The following NET1 variants were observed in gnomAD, a reference collection of about 807,000 sequenced individuals.
NET1 encodes the protein neuroepithelial cell transforming 1, also known as neuroepithelial cell-transforming gene 1 protein.
In NET1, 42 loss-of-function variants were observed where a neutral mutation model predicts 61.1. That is an observed-to-expected ratio of 0.69 (90% confidence interval 0.54 to 0.89). NET1 has a LOEUF of 0.89. Ranked by LOEUF, NET1 falls within the 40% of genes least tolerant of loss-of-function variation. The probability of loss-of-function intolerance (pLI) is 0.00; values close to 1 mark genes in which losing one functional copy is unlikely to be tolerated. For missense variants in NET1, 654 were observed against 747.3 expected (o/e 0.88, Z 1.46); for synonymous variants, 254 against 281.8 (o/e 0.90, Z 0.99).
rs766884323 is a variant in NET1 at position 5,453,534 on chromosome 10, C to T, written c.742C>T (p.Gln248Ter). 1.9e-6 allele frequency: 3 copies of T among 1,613,998 alleles called. No homozygotes were observed. Among genetic ancestry groups the T allele is most frequent in the Non-Finnish European group, 2.5e-6 (3 of 1,180,016 alleles). ...EATKPDGTVE[Q>*]IGHILVSWLP... ...AACCAAGCCTGATGGAACAGTGGAG[C>T]AGATTGGTCACATTCTCGTGAGCTG... Residue 248 changes from glutamine to a stop codon, truncating the protein, a stop_gained, in exon 8 of 12, where the codon CAG (glutamine) becomes TAG (stop). Coordinates refer to ENST00000355029, the MANE Select transcript of NET1 (RefSeq NM_001047160.3). LOFTEE classifies it high-confidence loss of function. This position sits in a 1 kb window ranked among gnomAD's most constrained non-coding sequence, Gnocchi z 4.9.
In NET1 at chr10:5,455,160, T is replaced by C; in HGVS notation, c.1197+42T>C. 1.3e-6 allele frequency: 2 copies of C among 1,594,762 alleles called. No individual in the cohort carries two copies. Among genetic ancestry groups the C allele is most frequent in the African/African-American group, 1.3e-5 (1 of 74,652 alleles). ...GCCGTGGCAGAGCAGCCTTCCCTCC[T>C]GCCTCTTTAACTTTTACACGTTTGT... On this transcript the variant is annotated intron_variant, in intron 10 of 11. Transcript: ENST00000355029. The surrounding 1 kb of genome is among the most constrained non-coding windows in gnomAD (Gnocchi z 6.5).
rs142097550 is a variant in NET1 at position 5,447,729 on chromosome 10, C to G, written c.256-4101C>G. Among the ~76,000 whole-genome samples the G allele has an allele frequency of 3.9e-5, 6 of 152,324 alleles. No homozygotes were observed. Among genetic ancestry groups the G allele is most frequent in the Middle Eastern group, 3.4e-3 (1 of 294 alleles). On this transcript the variant is annotated intron_variant, in intron 3 of 11. Coordinates refer to ENST00000355029, the MANE Select transcript of NET1 (RefSeq NM_001047160.3). This position sits in a 1 kb window ranked among gnomAD's most constrained non-coding sequence, Gnocchi z 4.1. ...TTTTGGTAGTTAAAATAGCTGCCGT[C>G]TTCAGGAAGTACACTTTTATTTGGT...
rs1053996785 is a variant in NET1 at position 5,441,403 on chromosome 10, G to A, written c.256-10427G>A. 2.6e-5 allele frequency among the ~76,000 whole-genome samples: 4 copies of A among 152,238 alleles called. No individual in the cohort carries two copies. Among genetic ancestry groups the A allele is most frequent in the African/African-American group, 9.6e-5 (4 of 41,466 alleles). ...AATTGGGCTGAGAAAACAGGAGGCT[G>A]GGCACAAGACACAATATCCTTTTGT... is the stretch of plus-strand genomic sequence containing the variant. On this transcript the variant is annotated intron_variant, in intron 3 of 11. Transcript: ENST00000355029. This position sits in a 1 kb window ranked among gnomAD's most constrained non-coding sequence, Gnocchi z 4.6.
In NET1 at chr10:5,444,445, T is replaced by TCAGC. The variant is rs1310583053; in HGVS notation, c.256-7383_256-7380dup. 6.6e-6 allele frequency among the ~76,000 whole-genome samples: 1 copy of TCAGC among 152,220 alleles called. No individual in the cohort carries two copies. The highest frequency in any genetic ancestry group is 2.4e-5 in the African/African-American group (1 of 41,460). On this transcript the variant is annotated intron_variant, in intron 3 of 11. Coordinates refer to ENST00000355029, the MANE Select transcript of NET1 (RefSeq NM_001047160.3). The surrounding 1 kb of genome is among the most constrained non-coding windows in gnomAD (Gnocchi z 5.3). ...CCCACTATTCTTCTGTATTCACTCTTCAGCCCCTGTAATTTGCCTCTGTCT... is the reference window on the plus strand; with the variant it reads ...CCCACTATTCTTCTGTATTCACTCTTCAGCCAGCCCCTGTAATTTGCCTCTGTCT...
intron 3 of NET1, among the ~76,000 whole-genome samples, chr10:5,436,246 A>ATT (rs1832435398): frequency 2.9e-5 from 1 of 34,134 alleles, no homozygotes. Flanking sequence ...ATATATATAT[A>ATT]TATTTTTTTT....
At position 5,441,800 on chromosome 10, in the gene NET1, T is replaced by C. The variant is rs1239002544; in HGVS notation, c.256-10030T>C. On this transcript the variant is annotated intron_variant, in intron 3 of 11. Transcript: ENST00000355029. The surrounding 1 kb of genome is among the most constrained non-coding windows in gnomAD (Gnocchi z 4.6). The stretch of plus-strand genomic sequence containing the variant: ...TTCTTTCGTACTTATCCAGTTCAAA[T>C]GTAACTCTTTTTGTTTTTAAGTTAT... 6.6e-6 allele frequency among the ~76,000 whole-genome samples: 1 copy of C among 152,236 alleles called. No homozygotes were observed. Among genetic ancestry groups the C allele is most frequent in the African/African-American group, 2.4e-5 (1 of 41,474 alleles).
In NET1 at chr10:5,447,599, G is replaced by A. The variant is rs532019996; in HGVS notation, c.256-4231G>A. Among the ~76,000 whole-genome samples the A allele has an allele frequency of 1.7e-4, 26 of 152,220 alleles. 1 individual carries two copies. The highest frequency in any genetic ancestry group is 4.1e-4 in the African/African-American group (17 of 41,534). On this transcript the variant is annotated intron_variant, in intron 3 of 11. Coordinates refer to ENST00000355029, the MANE Select transcript of NET1 (RefSeq NM_001047160.3). This position sits in a 1 kb window ranked among gnomAD's most constrained non-coding sequence, Gnocchi z 4.1. ...TCTCTTGATTGTGGTAGTGGTTTCCGTCTCTATACACACGTCAAAACTTAT... is the reference window on the plus strand; with the variant it reads ...TCTCTTGATTGTGGTAGTGGTTTCCATCTCTATACACACGTCAAAACTTAT...
At position 5,456,609 on chromosome 10, in the gene NET1, G is replaced by A. The variant is rs750957300; in HGVS notation, c.1406G>A (p.Arg469His). 4.7e-5 allele frequency: 70 copies of A among 1,483,370 alleles called. No homozygotes were observed. Among genetic ancestry groups the A allele is most frequent in the African/African-American group, 7.4e-5 (5 of 67,846 alleles). The allele number at this position is 1,483,370 out of a possible 1,614,324, so 91.9% of individuals were successfully genotyped here. A position where few individuals can be genotyped will look rare whatever the true frequency, so the allele number is the denominator to read the frequency against. ...SEKAKNIFRI[R>H]FHDPSPAQSH... ...TCAGCTAAAAATATCTTTAGAATTC[G>A]CTTCCATGACCCCTCTCCAGCCCAG... Residue 469 changes from arginine to histidine, a missense_variant, in exon 12 of 12, where the codon CGC becomes CAC. Transcript: ENST00000355029. This position sits in a 1 kb window ranked among gnomAD's most constrained non-coding sequence, Gnocchi z 7.0.
chr10:5,419,940 A>G (rs1832144335), intron 1 of NET1, among the ~76,000 whole-genome samples: 1 of 151,336 alleles, frequency 6.6e-6, no homozygotes, highest in Non-Finnish European at 1.5e-5. Flanking sequence ...TGCTTTTAAG[A>G]TTTTCTTATC....
In NET1 at chr10:5,452,913, C is replaced by G; in HGVS notation, c.587C>G (p.Ala196Gly). 6.2e-7 allele frequency: 1 copy of G among 1,606,220 alleles called. No individual in the cohort carries two copies. The highest frequency in any genetic ancestry group is 8.5e-7 in the Non-Finnish European group (1 of 1,173,204). The change falls in exon 6 of 12, where the codon GCA (alanine) becomes GGA (glycine). Residue 196 changes from alanine (A) to glycine (G), a missense_variant. Ala to Gly is a moderately conservative substitution (Grantham distance 60). Transcript: ENST00000355029. This position sits in a 1 kb window ranked among gnomAD's most constrained non-coding sequence, Gnocchi z 4.0. ...EQDLIEDLKLARKAYHDPMLK... is the reference protein window; with the variant it reads ...EQDLIEDLKLGRKAYHDPMLK... ...GATTTAATTGAGGATCTCAAACTTG[C>G]AAGAAAGGTCAGTAAATAACTTTTT...
chr10:5,450,798 A>C (rs1422921430), intron 3 of NET1, among the ~76,000 whole-genome samples: 1 of 152,202 alleles, frequency 6.6e-6, no homozygotes, highest in Non-Finnish European at 1.5e-5. Context: ...ACCTACTGGT[A>C]TGCCTCCATT....
At chr10:5,428,945 G>A (rs1260984007) in intron 2 of NET1, among the ~76,000 whole-genome samples, 1 of 151,208 alleles carries the variant, frequency 6.6e-6, no homozygotes, top group Non-Finnish European at 1.5e-5. Context: ...CGTTGGCCAG[G>A]CTGGTCTCGA....
In NET1 at chr10:5,455,009, A is replaced by G. The variant is rs1319588194; in HGVS notation, c.1088A>G (p.Gln363Arg). The change falls in exon 10 of 12, where the codon CAG (glutamine) becomes CGG (arginine). Residue 363 changes from glutamine (Q) to arginine (R), a missense_variant. Physicochemically the swap from Gln to Arg is conservative, Grantham distance 43. Transcript: ENST00000355029. This position sits in a 1 kb window ranked among gnomAD's most constrained non-coding sequence, Gnocchi z 6.5. ...INLKKGESEC[Q>R]YYIDKLEYLD... ...TTGAAGAAAGGTGAATCCGAGTGCC[A>G]GTATTACATCGACAAGCTGGAGTAC... 1.9e-6 allele frequency: 3 copies of G among 1,614,034 alleles called. No individual in the cohort carries two copies. The highest frequency in any genetic ancestry group is 2.5e-6 in the Non-Finnish European group (3 of 1,180,004).
At chr10:5,436,166 T>G (rs1248014414) in intron 3 of NET1, among the ~76,000 whole-genome samples, 1 of 77,424 alleles carries the variant, frequency 1.3e-5, no homozygotes, top group African/African-American at 4.9e-5. Context: ...AAAGGAGGTG[T>G]GTGTGTGTGT....
chr10:5,423,763 A>G lies in NET1; in HGVS notation c.129-2892A>G, dbSNP rs896682870. Among the ~76,000 whole-genome samples, 5 of 152,130 alleles carry G rather than the reference A, an allele frequency of 3.3e-5. No homozygotes were observed. Among genetic ancestry groups the G allele is most frequent in the East Asian group, 1.9e-4 (1 of 5,196 alleles). ...TTTATGAAATCATTTTTTTCCCCAC[A>G]AGGATTTAAAATAGCTATTACATTT... On this transcript the variant is annotated intron_variant, in intron 1 of 11. Transcript: ENST00000355029. This position sits in a 1 kb window ranked among gnomAD's most constrained non-coding sequence, Gnocchi z 4.4.
At position 5,434,362 on chromosome 10, in the gene NET1, G is replaced by A. The variant is rs558424154; in HGVS notation, c.255+5133G>A. 7.0e-4 allele frequency among the ~76,000 whole-genome samples: 106 copies of A among 152,254 alleles called. 1 individual carries two copies. Among genetic ancestry groups the A allele is most frequent in the Non-Finnish European group, 1.0e-3 (70 of 68,014 alleles). ...ACTCCTAGGAGTTTTTCTAAAAGAA[G>A]TATCAGTTTCAAGAGTTTACATGGC... On this transcript the variant is annotated intron_variant, in intron 3 of 11. Coordinates refer to ENST00000355029, the MANE Select transcript of NET1 (RefSeq NM_001047160.3).
At chr10:5,436,249 T>TATATTTA (rs1491369503) in intron 3 of NET1, among the ~76,000 whole-genome samples, 1 of 7,116 alleles carries the variant, frequency 1.4e-4, no homozygotes, top group Non-Finnish European at 3.3e-4. Flanking sequence ...TATATATATA[T>TATATTTA]TTTTTTTTTT....
At position 5,441,087 on chromosome 10, in the gene NET1, G is replaced by A. The variant is rs953759235; in HGVS notation, c.256-10743G>A. ...GTCTAATTAAGCTGTCACTACTGTG[G>A]GCAGTGGGGTAGATCTCTCTGGAAC... On this transcript the variant is annotated intron_variant, in intron 3 of 11. Coordinates refer to ENST00000355029, the MANE Select transcript of NET1 (RefSeq NM_001047160.3). This position sits in a 1 kb window ranked among gnomAD's most constrained non-coding sequence, Gnocchi z 4.6. 6.6e-6 allele frequency among the ~76,000 whole-genome samples: 1 copy of A among 152,206 alleles called. No individual in the cohort carries two copies. The highest frequency in any genetic ancestry group is 2.4e-5 in the African/African-American group (1 of 41,452).
Position 5,456,629 on chromosome 10 carries a change from GCC to G in NET1, c.1428_1429del (p.Gln477ValfsTer8). ...AATTCGCTTCCATGACCCCTCTCCA[GCC>G]CAGTCTCACACTCTGCAAGCCAATG... Reference protein sequence around the residue: ...FRIRFHDPSPAQSHTLQANDV... With the variant: ...FRIRFHDPSPXQSHTLQANDV... On this transcript the variant is annotated frameshift_variant, in exon 12 of 12. Coordinates refer to ENST00000355029, the MANE Select transcript of NET1 (RefSeq NM_001047160.3). LOFTEE classifies it low-confidence loss of function (END_TRUNC). The surrounding 1 kb of genome is among the most constrained non-coding windows in gnomAD (Gnocchi z 7.0). 6.3e-7 allele frequency: 1 copy of G among 1,577,970 alleles called. No homozygotes were observed. The highest frequency in any genetic ancestry group is 8.6e-7 in the Non-Finnish European group (1 of 1,162,762).
Sources: gnomAD v4.1 joint callset for allele counts (sites outside exome capture counted in the v4.1 genomes callset) on GRCh38, gnomAD v4.1.1 for gene constraint, Gnocchi (gnomAD v3.1) non-coding constraint, MANE v1.5 for transcripts, NCBI Gene and HGNC (gene_info 2026-07-23, HGNC 2026-07-21) for gene names.